The following MYL3 variants were observed in gnomAD, a reference collection of about 807,000 sequenced individuals.
MYL3 encodes the protein CMLC1.
A neutral mutation model predicts 21.3 loss-of-function variants in MYL3; 11 were observed. That is an observed-to-expected ratio of 0.52 (90% CI 0.32 to 0.85). The LOEUF (loss-of-function observed/expected upper bound fraction) is 0.85. Among genes scored for constraint, MYL3 ranks in the 40% least tolerant of loss-of-function variants. The pLI is 0.03. For missense variants in MYL3, 206 were observed against 253.3 expected (o/e 0.81, Z 1.27); for synonymous variants, 88 against 91.6 (o/e 0.96, Z 0.22).
Position 46,859,882 on chromosome 3 carries a change from G to C in MYL3, c.308-234C>G, listed in dbSNP as rs1701971756. Among the ~76,000 whole-genome samples, 1 of 152,136 alleles carries C rather than the reference G, an allele frequency of 6.6e-6. No individual in the cohort carries two copies. Among genetic ancestry groups the C allele is most frequent in the Non-Finnish European group, 1.5e-5 (1 of 68,024 alleles). ...CATAGCCCTTTGCTATTCACAAAGGGAGTTTGCTGCCCTGAGCCACCACGG... is the reference window on the plus strand; with the variant it reads ...CATAGCCCTTTGCTATTCACAAAGGCAGTTTGCTGCCCTGAGCCACCACGG... On this transcript the variant is annotated intron_variant, in intron 3 of 6. Transcript: ENST00000292327. This position sits in a 1 kb window ranked among gnomAD's most constrained non-coding sequence, Gnocchi z 4.1.
At chr3:46,877,312 C>A (rs1001723090) in intron 1 of MYL3, among the ~76,000 whole-genome samples, 7 of 152,176 alleles carry the variant, frequency 4.6e-5, no homozygotes, top group African/African-American at 1.7e-4. Flanking sequence ...CTCCAGCCCC[C>A]CTCTGATTTC....
At chr3:46,866,767 G>A (rs1702051283), upstream of MYL3, among the ~76,000 whole-genome samples, 1 of 152,196 alleles carries the variant, frequency 6.6e-6, no homozygotes, top group Non-Finnish European at 1.5e-5. Context: ...CTCTGGCGGT[G>A]CAGAGGGCAC....
At position 46,858,287 on chromosome 3, in the gene MYL3, A is replaced by C. The variant is rs1041055773; in HGVS notation, c.560-15T>G. 3.3e-5 allele frequency: 53 copies of C among 1,613,988 alleles called. No homozygotes were observed. The highest frequency in any genetic ancestry group is 4.2e-5 in the Non-Finnish European group (50 of 1,180,018). On this transcript the variant is annotated splice_polypyrimidine_tract_variant and intron_variant, in intron 5 of 6. Transcript: ENST00000292327. ...CTTCACAAATGCTGGAAAGAAGAGG[A>C]GAGTGAGTGGCAGGAGTGCAACATG...
At chr3:46,867,059 A>G (rs1370871903), upstream of MYL3, among the ~76,000 whole-genome samples, 1 of 151,816 alleles carries the variant, frequency 6.6e-6, no homozygotes, top group East Asian at 1.9e-4. Flanking sequence ...TCACAATTTG[A>G]GTGCCAAACT....
At chr3:46,872,871 G>A (rs2029993918) in intron 1 of MYL3, among the ~76,000 whole-genome samples, 1 of 152,218 alleles carries the variant, frequency 6.6e-6, no homozygotes, top group Non-Finnish European at 1.5e-5. Context: ...ACAATGAAGG[G>A]ATCTGTCTCT....
chr3:46,860,667 G>GT lies in MYL3; in HGVS notation c.307+8dup, dbSNP rs1435073339. On this transcript the variant is annotated intron_variant, in intron 3 of 6. Coordinates refer to ENST00000292327, the MANE Select transcript of MYL3 (RefSeq NM_000258.3). This position sits in a 1 kb window ranked among gnomAD's most constrained non-coding sequence, Gnocchi z 4.6. ...TAACACTATGGGGGCTCTCGGGCAG[G>GT]TGCACTACCTTCCTGTCTTGGCTTC... is the stretch of plus-strand genomic sequence containing the variant. The GT allele has an allele frequency of 6.2e-7, 1 of 1,613,142 alleles. No individual in the cohort carries two copies. Among genetic ancestry groups the GT allele is most frequent in the South Asian group, 1.1e-5 (1 of 91,078 alleles).
rs1701993771 is a variant in MYL3 at position 46,861,628 on chromosome 3, A to G, written c.130-641T>C. On this transcript the variant is annotated intron_variant, in intron 1 of 6. Transcript: ENST00000292327. This position sits in a 1 kb window ranked among gnomAD's most constrained non-coding sequence, Gnocchi z 4.2. ...CCGTAGGTCCCTGGGAAGCTCCCAC[A>G]CCCCAGGACAGCACAGGGCCAGGGC... is the stretch of plus-strand genomic sequence containing the variant. Among the ~76,000 whole-genome samples, 3 of 152,006 alleles carry G rather than the reference A, an allele frequency of 2.0e-5. No individual in the cohort carries two copies. Among genetic ancestry groups the G allele is most frequent in the Admixed American group, 6.6e-5 (1 of 15,264 alleles).
At chr3:46,863,505 C>T (rs1243278048), upstream of MYL3, 2 of 1,127,258 alleles carry the variant, frequency 1.8e-6, no homozygotes. Flanking sequence ...CCAGCCCCAC[C>T]CCTGCAGTGC....
At chr3:46,858,186 G>A in intron 6 of MYL3, 45 bp downstream of exon 6, 3 of 1,600,026 alleles carry the variant, frequency 1.9e-6, no homozygotes, top group East Asian at 2.2e-5. Context: ...CTGGTGGAGT[G>A]TGGGCAGGTG....
intron 1 of MYL3, among the ~76,000 whole-genome samples, chr3:46,878,220 C>A (rs1422252338): frequency 9.9e-5 from 15 of 152,228 alleles, no homozygotes; most frequent in Admixed American, 9.8e-4. Context: ...GAGCCTCCAG[C>A]GACTCAGCTG....
chr3:46,875,446 G>A (rs967895330), intron 1 of MYL3, among the ~76,000 whole-genome samples: 1 of 152,198 alleles, frequency 6.6e-6, no homozygotes, highest in African/African-American at 2.4e-5. Flanking sequence ...CATCAGCTCC[G>A]CTTTGGACAC....
At chr3:46,868,449 T>A (rs2106920425) in intron 1 of MYL3, among the ~76,000 whole-genome samples, 1 of 152,276 alleles carries the variant, frequency 6.6e-6, no homozygotes, top group East Asian at 1.9e-4. Context: ...GGGGACCAGA[T>A]GCTCCAACCT....
chr3:46,867,953 G>A (rs1373066586), upstream of MYL3, among the ~76,000 whole-genome samples: 2 of 152,242 alleles, frequency 1.3e-5, no homozygotes, highest in Non-Finnish European at 2.9e-5. Context: ...CAGTTGCACA[G>A]ATGGGGAGAC....
chr3:46,881,125 G>C (rs545734452), intron 1 of MYL3: 1 of 152,232 alleles, frequency 6.6e-6, no homozygotes, highest in Admixed American at 6.5e-5. Flanking sequence ...ACTGGTAAGC[G>C]GGCAAGCACA....
chr3:46,858,418 C>G lies in MYL3; in HGVS notation c.525G>C (p.Gly175=), dbSNP rs770390012. ...TGATGCAGCCATTGGAGTCCTCTTG[C>G]CCAGCCATCAACTTCTCCACTTCGT... is the stretch of plus-strand genomic sequence containing the variant. The part of the protein sequence containing the change: ...TEDEVEKLMA[G]QEDSNGCINY... Residue 175 remains glycine, a synonymous_variant, in exon 5 of 7, where the codon GGG becomes GGC. Coordinates refer to ENST00000292327, the MANE Select transcript of MYL3 (RefSeq NM_000258.3). 1.2e-6 allele frequency: 2 copies of G among 1,614,006 alleles called. No homozygotes were observed. Among genetic ancestry groups the G allele is most frequent in the South Asian group, 2.2e-5 (2 of 91,074 alleles).
rs2030075853 is a variant in MYL3 at position 46,874,441 on chromosome 3, T to C, written c.-218+7633A>G. 6.6e-6 allele frequency among the ~76,000 whole-genome samples: 1 copy of C among 151,960 alleles called. No homozygotes were observed. Among genetic ancestry groups the C allele is most frequent in the Non-Finnish European group, 1.5e-5 (1 of 67,982 alleles). On this transcript the variant is annotated intron_variant, in intron 1 of 3. Transcript: ENST00000431168. This position sits in a 1 kb window ranked among gnomAD's most constrained non-coding sequence, Gnocchi z 4.1. ...AGGGCAGGAGTGTCAGGACTAGGGG[T>C]TCTCCACTCGAGGGCTCCCGGCCAC...
At chr3:46,872,442 A>ACCCCCCCCCCCAGGC (rs200592186) in intron 1 of MYL3, among the ~76,000 whole-genome samples, 2 of 137,418 alleles carry the variant, frequency 1.5e-5, no homozygotes, top group African/African-American at 2.7e-5. Flanking sequence ...GGGCCCCAAG[A>ACCCCCCCCCCCAGGC]CCCCCCCCCT....
rs1575497869 is a variant in MYL3 at position 46,859,626 on chromosome 3, G to A, written c.330C>T (p.Asp110=). The A allele has an allele frequency of 6.2e-7, 1 of 1,614,224 alleles. No homozygotes were observed. The highest frequency in any genetic ancestry group is 2.2e-5 in the East Asian group (1 of 44,882). The part of the protein sequence containing the change: ...RQEELNTKMM[D]FETFLPMLQH... ...GGAGCATAGGCAGGAAAGTTTCAAA[G>A]TCCATCATCTTGGTATTGAGCTCTG... is the stretch of plus-strand genomic sequence containing the variant. Residue 110 remains aspartate, a synonymous_variant, in exon 4 of 7, where the codon GAC becomes GAT. Coordinates refer to ENST00000292327, the MANE Select transcript of MYL3 (RefSeq NM_000258.3). The surrounding 1 kb of genome is among the most constrained non-coding windows in gnomAD (Gnocchi z 4.1).
chr3:46,870,886 C>G (rs1176057365), intron 1 of MYL3, among the ~76,000 whole-genome samples: 1 of 152,184 alleles, frequency 6.6e-6, no homozygotes, highest in Non-Finnish European at 1.5e-5. Flanking sequence ...TGCAGACATG[C>G]ACTCAGGAAT....
Sources: gnomAD v4.1 joint callset for allele counts (sites outside exome capture counted in the v4.1 genomes callset) on GRCh38, gnomAD v4.1.1 for gene constraint, Gnocchi (gnomAD v3.1) non-coding constraint, MANE v1.5 for transcripts, NCBI Gene and HGNC (gene_info 2026-07-23, HGNC 2026-07-21) for gene names.